Variants in CDH4 observed in about 807,000 individuals in gnomAD.
CDH4 encodes cadherin 4.
Under a neutral mutation model 86.0 loss-of-function variants are expected in CDH4, and 33 were observed. The ratio of observed to expected loss-of-function variants is 0.38; its 90% CI spans 0.29 to 0.51. The LOEUF is 0.51. Among genes scored for constraint, CDH4 ranks in the 20% least tolerant of loss-of-function variants. The probability of loss-of-function intolerance (pLI) is 0.86; values close to 1 mark genes in which losing one functional copy is unlikely to be tolerated. For synonymous variants in CDH4, 555 were observed against 549.4 expected (o/e 1.01, Z -0.14); for missense variants, 1,114 against 1,307.4 (o/e 0.85, Z 2.28).
At chr20:61,354,958 G>A (rs2123308682) in intron 2 of CDH4, among the ~76,000 whole-genome samples, 1 of 152,300 alleles carries the variant, frequency 6.6e-6, no homozygotes, top group East Asian at 1.9e-4. Flanking sequence ...GCCACATTTG[G>A]AATGGCGCAT....
chr20:61,796,551 C>T (rs1473064867), intron 4 of CDH4, among the ~76,000 whole-genome samples: 1 of 152,196 alleles, frequency 6.6e-6, no homozygotes, highest in African/African-American at 2.4e-5. Context: ...CCTGTAGTGG[C>T]CCCCGACCAT....
chr20:61,256,135 C>T (rs2123112627), intron 2 of CDH4, among the ~76,000 whole-genome samples: 1 of 152,204 alleles, frequency 6.6e-6, no homozygotes, highest in African/African-American at 2.4e-5. Context: ...AACGGGTAGG[C>T]CATTTTCAGG....
chr20:61,723,577 T>C lies in CDH4; in HGVS notation c.170-19986T>C, dbSNP rs188436328. Among the ~76,000 whole-genome samples, 1,139 of 152,226 alleles carry C rather than the reference T, an allele frequency of 7.5e-3. 35 individuals are homozygous for C. The South Asian group carries it at 0.11, about 14-fold the overall frequency. ...CTTTACAGATACCCCAAGCACCTGCTCTTCTCGAGGGTTCCCTGAACAGCT... is the reference window on the plus strand; with the variant it reads ...CTTTACAGATACCCCAAGCACCTGCCCTTCTCGAGGGTTCCCTGAACAGCT... On this transcript the variant is annotated intron_variant, in intron 2 of 15. Coordinates refer to ENST00000614565, the MANE Select transcript of CDH4 (RefSeq NM_001794.5).
chr20:61,254,528 G>A (rs564193407), intron 1 of CDH4, among the ~76,000 whole-genome samples: 30 of 152,166 alleles, frequency 2.0e-4, no homozygotes, highest in African/African-American at 7.0e-4. Context: ...TTTCTCAGGC[G>A]TCTCCTCTGC....
chr20:61,731,453 C>T (rs2088185775), intron 2 of CDH4, among the ~76,000 whole-genome samples: 1 of 152,114 alleles, frequency 6.6e-6, no homozygotes, highest in South Asian at 2.1e-4. Context: ...GGAAAGTGCA[C>T]GCCGTCCCAT....
chr20:61,556,594 C>T (rs2086179285), intron 2 of CDH4, among the ~76,000 whole-genome samples: 3 of 152,206 alleles, frequency 2.0e-5, no homozygotes, highest in Non-Finnish European at 4.4e-5. Context: ...ACGGCGAAGA[C>T]TCTGTGGTCC....
intron 2 of CDH4, among the ~76,000 whole-genome samples, chr20:61,615,439 GT>G (rs1161303401): frequency 6.6e-6 from 1 of 152,170 alleles, no homozygotes; most frequent in African/African-American, 2.4e-5. Flanking sequence ...CATTTTTTAA[GT>G]GAGGAATGTC....
chr20:61,476,630 C>T (rs1292108286), intron 2 of CDH4, among the ~76,000 whole-genome samples: 1 of 152,346 alleles, frequency 6.6e-6, no homozygotes, highest in East Asian at 1.9e-4. Flanking sequence ...CAGAGCTGCT[C>T]GCCCCACCTT....
In CDH4 at chr20:61,937,238, GAAGAAAGAAAGAAAAAAAAAAAAAA is replaced by G. The variant is rs1371194641; in HGVS notation, c.*303_*327del. On this transcript the variant is annotated 3_prime_UTR_variant, in exon 16 of 16. Transcript: ENST00000614565. ...GTTTTTAAAAAAAAAAAAAAAAAAAGAAGAAAGAAAGAAAAAAAAAAAAAAAAGAAAGTGCCTTTTGGTACATGTA... is the reference window on the plus strand; with the variant it reads ...GTTTTTAAAAAAAAAAAAAAAAAAAGAAGAAAGTGCCTTTTGGTACATGTA... The G allele has an allele frequency of 4.4e-3, 256 of 58,738 alleles. No homozygotes were observed. Among genetic ancestry groups the G allele is most frequent in the African/African-American group, 0.012 (205 of 16,632 alleles). The allele number at this position is 58,738 out of a possible 1,614,324, so 3.6% of individuals were successfully genotyped here. A position where few individuals can be genotyped will look rare whatever the true frequency, so the allele number is the denominator to read the frequency against.
intron 2 of CDH4, among the ~76,000 whole-genome samples, chr20:61,492,124 T>C (rs534540658): frequency 6.6e-6 from 1 of 151,898 alleles, no homozygotes; most frequent in African/African-American, 2.4e-5. Context: ...GGTGTCGATA[T>C]TGTTAATGTT....
chr20:61,612,943 A>G (rs549102193), intron 2 of CDH4, among the ~76,000 whole-genome samples: 6 of 151,962 alleles, frequency 3.9e-5, no homozygotes, highest in Admixed American at 6.6e-5. Context: ...GCATTCTTCC[A>G]TCATCTCTGT....
At chr20:61,379,352 G>T (rs1230537785) in intron 2 of CDH4, among the ~76,000 whole-genome samples, 1 of 152,008 alleles carries the variant, frequency 6.6e-6, no homozygotes, top group Non-Finnish European at 1.5e-5. Context: ...GCAGTGGCAT[G>T]GAGTCCCCTT....
chr20:61,460,155 G>A (rs544256972), intron 2 of CDH4, among the ~76,000 whole-genome samples: 1 of 152,338 alleles, frequency 6.6e-6, no homozygotes, highest in African/African-American at 2.4e-5. Context: ...GAGAAAGGCT[G>A]TTAACAGGGA....
In CDH4 at chr20:61,475,324, A is replaced by G. The variant is rs529907412; in HGVS notation, c.169+220387A>G. On this transcript the variant is annotated intron_variant, in intron 2 of 15. Transcript: ENST00000614565. ...GCCCCCTCCAACTTAGTTTCCTTCAAATGCCCAGACATGAAATTCTGATCC... is the reference window on the plus strand; with the variant it reads ...GCCCCCTCCAACTTAGTTTCCTTCAGATGCCCAGACATGAAATTCTGATCC... Among the ~76,000 whole-genome samples, 3 of 151,616 alleles carry G rather than the reference A, an allele frequency of 2.0e-5. No homozygotes were observed. In the South Asian group the frequency reaches 6.3e-4, roughly 32 times the overall value.
intron 2 of CDH4, among the ~76,000 whole-genome samples, chr20:61,674,663 C>A (rs1228626567): frequency 6.6e-6 from 1 of 152,210 alleles, no homozygotes; most frequent in Admixed American, 6.5e-5. Flanking sequence ...TTATTTAACC[C>A]AATATATCCA....
chr20:61,923,701 T>G lies in CDH4; in HGVS notation c.1625T>G (p.Val542Gly). Residue 542 changes from valine (V) to glycine (G), a missense_variant, in exon 10 of 16, where the codon GTG becomes GGG. Val to Gly is a moderately radical substitution (Grantham distance 109, BLOSUM62 -3). Transcript: ENST00000614565. Reference protein sequence around the residue: ...VDPDRFMQQAVRYSKLSDPAS... With the variant: ...VDPDRFMQQAGRYSKLSDPAS... ...CCTGACCGGTTCATGCAGCAGGCTG[T>G]GAGGTGGGTGCACAGGACATGCCTC... The G allele has an allele frequency of 1.9e-6, 3 of 1,613,102 alleles. No individual in the cohort carries two copies. The highest frequency in any genetic ancestry group is 1.7e-6 in the Non-Finnish European group (2 of 1,179,996).
intron 4 of CDH4, among the ~76,000 whole-genome samples, chr20:61,803,153 G>A (rs1037881361): frequency 7.9e-5 from 12 of 152,176 alleles, no homozygotes; most frequent in Admixed American, 7.2e-4. Flanking sequence ...CGGTGTGTCC[G>A]CGATGTGCTG....
chr20:61,869,093 A>G (rs539222035), intron 6 of CDH4, among the ~76,000 whole-genome samples: 6 of 152,344 alleles, frequency 3.9e-5, no homozygotes, highest in South Asian at 2.1e-4. Context: ...AGTCTTTCCT[A>G]TGATTTTGAT....
At chr20:61,334,693 A>G (rs555440409) in intron 2 of CDH4, among the ~76,000 whole-genome samples, 1 of 152,140 alleles carries the variant, frequency 6.6e-6, no homozygotes, top group Non-Finnish European at 1.5e-5. Context: ...GGGTTTCAAC[A>G]TATGGATTTG....
Sources: allele counts gnomAD v4.1 joint callset (sites outside exome capture counted in the v4.1 genomes callset), GRCh38; gene constraint gnomAD v4.1.1; transcripts MANE v1.5; gene names NCBI Gene and HGNC (gene_info 2026-07-23, HGNC 2026-07-21).